The following HLTF variants were observed in gnomAD, a reference collection of about 807,000 sequenced individuals.
HLTF encodes the protein DNA-dependent ATPase/E3 ubiquitin-protein ligase HLTF.
HLTF carries 127 observed loss-of-function variants against 129.4 expected under a neutral mutation model. That is an observed-to-expected ratio of 0.98 (90% CI 0.85 to 1.14). The LOEUF (loss-of-function observed/expected upper bound fraction) is 1.14. Among genes scored for constraint, HLTF ranks in the 50% most tolerant of loss-of-function variants. The pLI, the probability that HLTF is intolerant of heterozygous loss-of-function variation, is 0.00. For synonymous variants in HLTF, 332 were observed against 388.8 expected (o/e 0.85, Z 1.72); for missense variants, 1,139 against 1,187.1 (o/e 0.96, Z 0.60).
At chr3:149,040,190 T>A in intron 20 of HLTF, 34 bp from the exon 21 acceptor site, 1 of 1,577,824 alleles carries the variant, frequency 6.3e-7, no homozygotes, top group Non-Finnish European at 8.6e-7. Context: ...GAGCAACACT[T>A]AACAGAAGAA....
chr3:149,051,925 AG>A (rs1717032625), intron 14 of HLTF: 1 of 150,350 alleles, frequency 6.7e-6, no homozygotes, highest in South Asian at 2.1e-4. Context: ...TGGGAGGCCG[AG>A]GTGGGCGGAA....
chr3:149,078,777 A>C (rs1252569367), intron 2 of HLTF, among the ~76,000 whole-genome samples: 1 of 151,880 alleles, frequency 6.6e-6, no homozygotes, highest in Admixed American at 6.6e-5. Flanking sequence ...GAATGATGTG[A>C]ACCTGGGAGG....
intron 2 of HLTF, among the ~76,000 whole-genome samples, chr3:149,077,036 C>G (rs1719423653): frequency 6.6e-6 from 1 of 152,026 alleles, no homozygotes; most frequent in African/African-American, 2.4e-5. Context: ...ATCACGAGGT[C>G]AAGAGATCAA....
chr3:149,051,648 G>A (rs529618580), intron 14 of HLTF, among the ~76,000 whole-genome samples: 2 of 152,324 alleles, frequency 1.3e-5, no homozygotes, highest in South Asian at 2.1e-4. Context: ...ATCACTTGAG[G>A]TCAGGAGTTC....
intron 10 of HLTF, among the ~76,000 whole-genome samples, chr3:149,061,367 C>T (rs567053074): frequency 1.1e-3 from 160 of 151,334 alleles, no homozygotes; most frequent in African/African-American, 3.6e-3. Flanking sequence ...GCGGAGATTG[C>T]GCCACTGCAC....
At chr3:149,082,192 C>T (rs1377105136) in intron 2 of HLTF, among the ~76,000 whole-genome samples, 1 of 152,208 alleles carries the variant, frequency 6.6e-6, no homozygotes, top group Non-Finnish European at 1.5e-5. Context: ...GGCGCAGTGG[C>T]TCACACCTGT....
chr3:149,041,365 A>G, intron 20 of HLTF, 125 bp downstream of exon 20: 1 of 487,780 alleles, frequency 2.1e-6, no homozygotes, highest in African/African-American at 2.0e-5. Flanking sequence ...AAATACTGGA[A>G]TAATTAACTA....
At chr3:149,038,719 C>T (rs1454189873) in intron 23 of HLTF, among the ~76,000 whole-genome samples, 1 of 152,038 alleles carries the variant, frequency 6.6e-6, no homozygotes, top group Admixed American at 6.6e-5. Context: ...TGCCATGTTG[C>T]CTAGGCTGCT....
chr3:149,060,840 C>A lies in HLTF; in HGVS notation c.1179G>T (p.Gln393His). 1 of 1,611,914 alleles carries A rather than the reference C, an allele frequency of 6.2e-7. No individual in the cohort carries two copies. Residue 393 changes from glutamine (Q) to histidine (H), a missense_variant, in exon 11 of 25, where the codon CAG becomes CAT. Physicochemically the swap from Gln to His is conservative, Grantham distance 24. Transcript: ENST00000310053. ...SRPKRRKTAV[Q>H]YIESSDSEEI... ...CCTCTGAATCACTGCTTTCTATGTACTGGACAGCAGTTTTTCTTCTAAAAT... is the reference window on the plus strand; with the variant it reads ...CCTCTGAATCACTGCTTTCTATGTAATGGACAGCAGTTTTTCTTCTAAAAT...
intron 14 of HLTF, among the ~76,000 whole-genome samples, chr3:149,054,516 T>C (rs1576593944): frequency 1.3e-5 from 2 of 152,080 alleles, no homozygotes; most frequent in South Asian, 4.1e-4. Context: ...AACTTGGAAG[T>C]GGCAAGAACG....
At chr3:149,074,421 T>C in intron 3 of HLTF, 73 bp from the exon 4 acceptor site, 3 of 1,373,148 alleles carry the variant, frequency 2.2e-6, no homozygotes, top group Middle Eastern at 1.9e-4. Flanking sequence ...ATTAGTTCAA[T>C]ATTTTAAGTG....
At chr3:149,047,433 G>C (rs1251766697) in intron 17 of HLTF, among the ~76,000 whole-genome samples, 1 of 152,160 alleles carries the variant, frequency 6.6e-6, no homozygotes, top group Non-Finnish European at 1.5e-5. Flanking sequence ...CCTGAGGTCA[G>C]AAGTTTGAGA....
intron 2 of HLTF, among the ~76,000 whole-genome samples, chr3:149,078,908 C>T (rs1437048047): frequency 6.6e-6 from 1 of 151,344 alleles, no homozygotes; most frequent in East Asian, 1.9e-4. Flanking sequence ...TTTCTTTCGA[C>T]ATGAAAACGC....
At chr3:149,077,831 T>C (rs1316128216) in intron 2 of HLTF, among the ~76,000 whole-genome samples, 1 of 152,058 alleles carries the variant, frequency 6.6e-6, no homozygotes, top group Non-Finnish European at 1.5e-5. Context: ...TGCCCTAACA[T>C]ACAGAAGTTC....
At chr3:149,051,140 A>AATGAAAT (rs1243781240) in intron 14 of HLTF, among the ~76,000 whole-genome samples, 1 of 151,976 alleles carries the variant, frequency 6.6e-6, no homozygotes, top group African/African-American at 2.4e-5. Context: ...CTTGGGGACT[A>AATGAAAT]ATGAAATATG....
chr3:149,031,011 A>C lies in HLTF; in HGVS notation c.*1209T>G, dbSNP rs1209818935. 2 of 152,196 alleles carry C rather than the reference A, an allele frequency of 1.3e-5. No individual in the cohort carries two copies. The highest frequency in any genetic ancestry group is 3.8e-4 in the East Asian group (2 of 5,202). The allele number at this position is 152,196 out of a possible 1,614,324, so 9.4% of individuals were successfully genotyped here. ...TGAAGCTTCTCTTGTTTGTTAGAGT[A>C]ATTAATCTTTCTTTGGATTAAAGTT... On this transcript the variant is annotated 3_prime_UTR_variant, in exon 25 of 25. Transcript: ENST00000310053.
At chr3:149,059,828 C>A (rs769285610) in intron 12 of HLTF, 21 bp from the exon 13 acceptor site, 1 of 1,539,224 alleles carries the variant, frequency 6.5e-7, no homozygotes, top group African/African-American at 1.4e-5. Context: ...AACAAAGAAT[C>A]TTAAATTTTT....
chr3:149,035,656 CAAAAAAAAAAAA>C (rs59996160), intron 23 of HLTF, among the ~76,000 whole-genome samples: 3 of 73,398 alleles, frequency 4.1e-5, no homozygotes, highest in African/African-American at 5.3e-5. Flanking sequence ...GACTCCGTCT[CAAAAAAAAAAAA>C]AAAAAAAAAA....
chr3:149,070,770 C>T (rs1276202549), intron 7 of HLTF, among the ~76,000 whole-genome samples: 1 of 152,168 alleles, frequency 6.6e-6, no homozygotes, highest in Non-Finnish European at 1.5e-5. Context: ...CATGGCCAGG[C>T]AGGGTGGCTC....
Sources: gnomAD v4.1 joint callset for allele counts (sites outside exome capture counted in the v4.1 genomes callset) on GRCh38, gnomAD v4.1.1 for gene constraint, MANE v1.5 for transcripts, NCBI Gene and HGNC (gene_info 2026-07-23, HGNC 2026-07-21) for gene names.